The following OTOGL variants were observed in gnomAD, a reference collection of about 807,000 sequenced individuals.
OTOGL encodes the protein otogelin-like protein.
OTOGL carries 285 observed loss-of-function variants against 318.5 expected under a neutral mutation model. The ratio of observed to expected loss-of-function variants is 0.89; its 90% CI spans 0.81 to 0.99. The LOEUF is 0.99. Ranked by LOEUF, OTOGL falls within the 50% of genes least tolerant of loss-of-function variation. The pLI, the probability that OTOGL is intolerant of heterozygous loss-of-function variation, is 0.00. For synonymous variants in OTOGL, 987 were observed against 936.5 expected (o/e 1.05, Z -0.99); for missense variants, 2,899 against 2,845.6 (o/e 1.02, Z -0.43).
At chr12:80,201,017 A>T (rs1263498682) in intron 1 of OTOGL, among the ~76,000 whole-genome samples, 1 of 152,168 alleles carries the variant, frequency 6.6e-6, no homozygotes, top group African/African-American at 2.4e-5. Flanking sequence ...GGAAAAATAC[A>T]GTAGGTATTG....
rs1158387591 is a variant in OTOGL at position 80,378,381 on chromosome 12, T to C, written c.*333T>C. The C allele has an allele frequency of 5.0e-6, 1 of 199,854 alleles. No homozygotes were observed. The highest frequency in any genetic ancestry group is 1.0e-5 in the Non-Finnish European group (1 of 96,924). 12.4% of individuals were successfully genotyped at this position (199,854 alleles called of 1,614,324 possible). A position where few individuals can be genotyped will look rare whatever the true frequency, so the allele number is the denominator to read the frequency against. ...AATTCCTTCAATTTCACTCAGTAGC[T>C]CTTTTTTTCTTAATTTGCAAAGTCT... On this transcript the variant is annotated 3_prime_UTR_variant, in exon 59 of 59. Coordinates refer to ENST00000547103, the MANE Select transcript of OTOGL (RefSeq NM_001378609.3).
At chr12:80,263,934 C>G (rs556125112) in intron 19 of OTOGL, among the ~76,000 whole-genome samples, 101 of 152,122 alleles carry the variant, frequency 6.6e-4, no homozygotes, top group African/African-American at 2.3e-3. Flanking sequence ...AAACAGTATA[C>G]TGCTATAGTT....
intron 5 of OTOGL, among the ~76,000 whole-genome samples, chr12:80,218,787 TTTTC>T (rs1362558805): frequency 6.7e-6 from 1 of 148,734 alleles, no homozygotes; most frequent in South Asian, 2.1e-4. Flanking sequence ...TTTTTTTTCT[TTTTC>T]TTTCTTTTTT....
chr12:80,196,607 C>T (rs540622563), intron 1 of OTOGL, among the ~76,000 whole-genome samples: 2 of 152,084 alleles, frequency 1.3e-5, no homozygotes, highest in South Asian at 2.1e-4. Flanking sequence ...ACCTGGACAT[C>T]GTTCCCCGGA....
At chr12:80,132,680 G>A (rs1380982113) in intron 1 of OTOGL, 1 of 152,100 alleles carries the variant, frequency 6.6e-6, no homozygotes. Context: ...TTGAGAATCT[G>A]CCCAGGTAAT....
intron 1 of OTOGL, among the ~76,000 whole-genome samples, chr12:80,194,613 G>A (rs1875916778): frequency 1.3e-5 from 2 of 152,134 alleles, no homozygotes; most frequent in South Asian, 4.1e-4. Context: ...CAATACTGCT[G>A]TAATAAACAT....
chr12:80,175,265 A>G (rs1874455386), intron 1 of OTOGL, among the ~76,000 whole-genome samples: 1 of 152,216 alleles, frequency 6.6e-6, no homozygotes, highest in Admixed American at 6.5e-5. Context: ...GATCCCTATC[A>G]TCAAAGAGTT....
At chr12:80,260,419 T>TA (rs1256983851) in intron 18 of OTOGL, among the ~76,000 whole-genome samples, 1 of 152,090 alleles carries the variant, frequency 6.6e-6, no homozygotes, top group Non-Finnish European at 1.5e-5. Context: ...AGTCAATGTT[T>TA]AAGAGTCGGC....
chr12:80,210,341 A>G (rs1877152229), intron 2 of OTOGL, among the ~76,000 whole-genome samples: 1 of 152,156 alleles, frequency 6.6e-6, no homozygotes, highest in Admixed American at 6.6e-5. Flanking sequence ...AAAGGTCTGT[A>G]TGCTTTGGAG....
At chr12:80,202,572 C>T (rs1450851259) in intron 1 of OTOGL, among the ~76,000 whole-genome samples, 2 of 152,186 alleles carry the variant, frequency 1.3e-5, no homozygotes, top group Non-Finnish European at 2.9e-5. Flanking sequence ...CGCGCCCAGC[C>T]TGTCTGGTAT....
intron 11 of OTOGL, among the ~76,000 whole-genome samples, chr12:80,250,158 G>GCA (rs1881403388): frequency 6.6e-5 from 10 of 152,162 alleles, no homozygotes; most frequent in South Asian, 4.2e-4. Context: ...GTAGACCGGA[G>GCA]CTGTTCCTAT....
intron 1 of OTOGL, among the ~76,000 whole-genome samples, chr12:80,147,514 A>T (rs1872472834): frequency 6.7e-6 from 1 of 150,302 alleles, no homozygotes; most frequent in African/African-American, 2.5e-5. Context: ...TGTGGTGCTG[A>T]AAAAAATGTA....
chr12:80,256,279 C>G, intron 16 of OTOGL, 58 bp from the exon 17 acceptor site: 1 of 1,531,652 alleles, frequency 6.5e-7, no homozygotes, highest in South Asian at 1.2e-5. Context: ...CTTCCTGTCT[C>G]TTTCTATGGC....
intron 11 of OTOGL, 150 bp downstream of exon 11, chr12:80,239,589 A>G (rs1003303432): frequency 7.2e-6 from 4 of 554,118 alleles, no homozygotes; most frequent in Admixed American, 3.8e-5. Context: ...AAAGTTTGCT[A>G]TATAACAGTC....
chr12:80,244,172 C>CTT (rs1190173197), intron 11 of OTOGL, among the ~76,000 whole-genome samples: 6,113 of 141,804 alleles, frequency 0.043, 428 homozygotes, highest in African/African-American at 0.15. Flanking sequence ...TTCTTTTTTT[C>CTT]TTTTTTTTTT....
chr12:80,137,316 A>G (rs1256541352), intron 1 of OTOGL, among the ~76,000 whole-genome samples: 1 of 152,142 alleles, frequency 6.6e-6, no homozygotes, highest in Non-Finnish European at 1.5e-5. Flanking sequence ...TTCAGTTGTC[A>G]TCTAGTTGTC....
At chr12:80,117,249 T>C (rs940173321) in intron 1 of OTOGL, among the ~76,000 whole-genome samples, 13 of 92,696 alleles carry the variant, frequency 1.4e-4, no homozygotes, top group African/African-American at 6.8e-4. Context: ...ATAAGCTATC[T>C]CTGGGTGACT....
intron 2 of OTOGL, among the ~76,000 whole-genome samples, chr12:80,210,388 A>G (rs944331865): frequency 2.0e-5 from 3 of 152,152 alleles, no homozygotes; most frequent in Non-Finnish European, 4.4e-5. Flanking sequence ...TTAAGTATAA[A>G]AGACCACAGA....
chr12:80,103,001 C>T, intron 1 of OTOGL: 1 of 930,906 alleles, frequency 1.1e-6, no homozygotes, highest in Non-Finnish European at 1.8e-6. Context: ...TGTCTTTGTC[C>T]AGTTTTAGCC....
Sources: allele counts gnomAD v4.1 joint callset (sites outside exome capture counted in the v4.1 genomes callset), GRCh38; gene constraint gnomAD v4.1.1; transcripts MANE v1.5; gene names NCBI Gene and HGNC (gene_info 2026-07-23, HGNC 2026-07-21).